Variants in UQCRQ observed in about 807,000 individuals in gnomAD.
UQCRQ encodes the protein ubiquinol-cytochrome c reductase complex III subunit VII.
Under a neutral mutation model 7.9 loss-of-function variants are expected in UQCRQ, and 9 were observed. The ratio of observed to expected loss-of-function variants is 1.13; its 90% CI spans 0.68 to 1.98. The LOEUF (loss-of-function observed/expected upper bound fraction) is 1.98. Ranked by LOEUF, UQCRQ falls within the 30% of genes most tolerant of loss-of-function variation. The pLI is 0.00. For missense variants in UQCRQ, 112 were observed against 109.7 expected, an observed-to-expected ratio of 1.02 and a Z score of -0.10; for synonymous variants, 50 against 41.9, an observed-to-expected ratio of 1.19 and a Z score of -0.75.
At chr5:132,867,152 C>G in intron 2 of UQCRQ, 117 bp downstream of exon 2, 2 of 1,340,650 alleles carry the variant, frequency 1.5e-6, no homozygotes, top group Non-Finnish European at 2.1e-6. Context: ...GCCGTACACA[C>G]CTTTCTCATT....
chr5:132,866,911 G>C lies in UQCRQ; in HGVS notation c.30G>C (p.Arg10=), dbSNP rs1386800269. The change falls in exon 2 of 3, where the codon CGG becomes CGC. Residue 10 remains arginine (R), a synonymous_variant. Coordinates refer to ENST00000378670, the MANE Select transcript of UQCRQ (RefSeq NM_014402.5). ...GCCGCGAGTTTGGGAATCTGACGCGGATGCGGCATGTGATCAGCTACAGCT... is the reference window on the plus strand; with the variant it reads ...GCCGCGAGTTTGGGAATCTGACGCGCATGCGGCATGTGATCAGCTACAGCT... The part of the protein sequence containing the change: MGREFGNLT[R]MRHVISYSLS... 3.1e-6 allele frequency: 5 copies of C among 1,614,038 alleles called. No homozygotes were observed. The highest frequency in any genetic ancestry group is 4.2e-6 in the Non-Finnish European group (5 of 1,179,962).
chr5:132,867,362 A>T, intron 2 of UQCRQ, 126 bp from the exon 3 acceptor site: 2 of 792,926 alleles, frequency 2.5e-6, no homozygotes, highest in Non-Finnish European at 2.1e-6. Flanking sequence ...TGATAGTTGC[A>T]TGGCCTTGGA....
chr5:132,866,866 C>G lies in UQCRQ; in HGVS notation c.-13-3C>G. 2 of 1,612,768 alleles carry G rather than the reference C, an allele frequency of 1.2e-6. No individual in the cohort carries two copies. Among genetic ancestry groups the G allele is most frequent in the Non-Finnish European group, 1.7e-6 (2 of 1,179,942 alleles). On this transcript the variant is annotated splice_polypyrimidine_tract_variant and splice_region_variant and intron_variant, in intron 1 of 2. Coordinates refer to ENST00000378670, the MANE Select transcript of UQCRQ (RefSeq NM_014402.5). Reference sequence around the variant, plus strand: ...AAGCGCCTGTCCACCCTCGGTCCTGCAGGGCCGCCGCCACAATGGGCCGCG... The same window carrying G: ...AAGCGCCTGTCCACCCTCGGTCCTGGAGGGCCGCCGCCACAATGGGCCGCG...
rs1581256772 is a variant in UQCRQ, at chr5:132,868,285, A to G, written c.*703A>G. ...GTAAGCCATGGTGCTCTGGGCCTCAAATACTCTTCTTAGCTACACAAATGA... is the reference window on the plus strand; with the variant it reads ...GTAAGCCATGGTGCTCTGGGCCTCAGATACTCTTCTTAGCTACACAAATGA... On this transcript the variant is annotated 3_prime_UTR_variant, in exon 3 of 3. Transcript: ENST00000378670. Among the ~76,000 whole-genome samples, 1 of 152,190 alleles carries G rather than the reference A, an allele frequency of 6.6e-6. No homozygotes were observed. Among genetic ancestry groups the G allele is most frequent in the African/African-American group, 2.4e-5 (1 of 41,450 alleles).
In UQCRQ at chr5:132,868,061, A is replaced by G. The variant is rs563502848; in HGVS notation, c.*479A>G. ...AGTGGTGTGATCTCGGCTCACTGCC[A>G]TCTGTGCCTCCTGGGTTCAAACGAT... On this transcript the variant is annotated 3_prime_UTR_variant, in exon 3 of 3. Coordinates refer to ENST00000378670, the MANE Select transcript of UQCRQ (RefSeq NM_014402.5). The G allele has an allele frequency of 2.6e-4, 45 of 174,936 alleles. No individual in the cohort carries two copies. The highest frequency in any genetic ancestry group is 5.2e-4 in the Non-Finnish European group (42 of 80,724). The allele number at this position is 174,936 out of a possible 1,614,324, so 10.8% of individuals were successfully genotyped here.
intron 1 of UQCRQ, 84 bp downstream of exon 1, chr5:132,866,771 G>T: frequency 1.4e-6 from 2 of 1,475,888 alleles, no homozygotes; most frequent in South Asian, 1.2e-5. Flanking sequence ...AGGATAAGGA[G>T]TGCAGGGGCA....
rs1359979526 is a variant in UQCRQ, at chr5:132,867,626, C to T, written c.*44C>T. 8 of 1,521,010 alleles carry T rather than the reference C, an allele frequency of 5.3e-6. No homozygotes were observed. The Admixed American group carries it at 1.0e-4, about 19-fold the overall frequency. 94.2% of individuals were successfully genotyped at this position (1,521,010 alleles called of 1,614,324 possible). On this transcript the variant is annotated 3_prime_UTR_variant, in exon 3 of 3. Transcript: ENST00000378670. ...GGTTCCCTGTCTCTGAAAGACCTTT[C>T]TCTGGAAGAGGAGTCTGCATTGTAG...
rs1431557384 is a variant in UQCRQ at position 132,867,674 on chromosome 5, TC to T, written c.*94del. 17 of 998,766 alleles carry T rather than the reference TC, an allele frequency of 1.7e-5. No individual in the cohort carries two copies. The highest frequency in any genetic ancestry group is 2.7e-5 in the Non-Finnish European group (17 of 640,058). 61.9% of individuals were successfully genotyped at this position (998,766 alleles called of 1,614,324 possible). A position where few individuals can be genotyped will look rare whatever the true frequency, so the allele number is the denominator to read the frequency against. ...TAGTGTCTCAAAGACACAATAAACT[TC>T]CTATGGTCTGCACTGTTGTGATATT... On this transcript the variant is annotated 3_prime_UTR_variant, in exon 3 of 3. Coordinates refer to ENST00000378670, the MANE Select transcript of UQCRQ (RefSeq NM_014402.5).
At chr5:132,867,229 T>G in intron 2 of UQCRQ, 194 bp downstream of exon 2, 1 of 824,602 alleles carries the variant, frequency 1.2e-6, no homozygotes, top group South Asian at 1.8e-5. Context: ...AAAACTGAGC[T>G]ACAGAACTGA....
chr5:132,867,252 A>G (rs1418326151), intron 2 of UQCRQ: 4 of 743,754 alleles, frequency 5.4e-6, no homozygotes, highest in Non-Finnish European at 8.7e-6. Context: ...TGACTGGCCC[A>G]AGGTCACTCG....
Position 132,867,499 on chromosome 5 carries a change from T to G in UQCRQ, c.166T>G (p.Phe56Val). 1 of 1,613,590 alleles carries G rather than the reference T, an allele frequency of 6.2e-7. No individual in the cohort carries two copies. The highest frequency in any genetic ancestry group is 8.5e-7 in the Non-Finnish European group (1 of 1,179,620). Reference sequence around the variant, plus strand: ...CTTAATTTTTAAAGAGTTTGTAGTGTTTTATCTTATCTACACATGGGGGAC... The same window carrying G: ...CTTAATTTTTAAAGAGTTTGTAGTGGTTTATCTTATCTACACATGGGGGAC... ...FFRVVPQFVV[F>V]YLIYTWGTEE... is the part of the protein sequence containing the mutation. The change falls in exon 3 of 3, where the codon TTT (phenylalanine) becomes GTT (valine). Residue 56 changes from phenylalanine to valine, a missense_variant. Coordinates refer to ENST00000378670, the MANE Select transcript of UQCRQ (RefSeq NM_014402.5).
chr5:132,866,964 C>T lies in UQCRQ; in HGVS notation c.83C>T (p.Pro28Leu). The change falls in exon 2 of 3, where the codon CCG (proline) becomes CTG (leucine). Residue 28 changes from proline (P) to leucine (L), a missense_variant. Transcript: ENST00000378670. Reference protein sequence around the residue: ...SLSPFEQRAYPHVFTKGIPNV... With the variant: ...SLSPFEQRAYLHVFTKGIPNV... ...TCACCGTTCGAGCAGCGCGCCTATC[C>T]GCACGTCTTCACTAAAGGAATCCCC... 6.2e-7 allele frequency: 1 copy of T among 1,614,122 alleles called. No individual in the cohort carries two copies. The highest frequency in any genetic ancestry group is 1.3e-5 in the African/African-American group (1 of 75,072).
rs777265346 is a variant in UQCRQ, at chr5:132,866,840, C to T, written c.-13-29C>T. The T allele has an allele frequency of 1.8e-5, 29 of 1,609,246 alleles. No homozygotes were observed. In the Middle Eastern group the frequency reaches 2.2e-3, roughly 120 times the overall value. Reference sequence around the variant, plus strand: ...ACTGCGGCGCTTCGCGAAAGCGAGCCAAGCGCCTGTCCACCCTCGGTCCTG... The same window carrying T: ...ACTGCGGCGCTTCGCGAAAGCGAGCTAAGCGCCTGTCCACCCTCGGTCCTG... On this transcript the variant is annotated intron_variant, in intron 1 of 2. Transcript: ENST00000378670.
chr5:132,866,727 C>A lies in UQCRQ; in HGVS notation c.-14+40C>A. On this transcript the variant is annotated intron_variant, in intron 1 of 2. Transcript: ENST00000378670. ...TCTGGTTGTGCAGTGTTCGTGGACCCTGGGAGGCTAGGGGCGCCCCGCTGG... is the reference window on the plus strand; with the variant it reads ...TCTGGTTGTGCAGTGTTCGTGGACCATGGGAGGCTAGGGGCGCCCCGCTGG... 6.9e-6 allele frequency: 7 copies of A among 1,020,288 alleles called. No individual in the cohort carries two copies. The South Asian group carries it at 1.1e-4, about 15-fold the overall frequency. The allele number at this position is 1,020,288 out of a possible 1,614,324, so 63.2% of individuals were successfully genotyped here. A position where few individuals can be genotyped will look rare whatever the true frequency, so the allele number is the denominator to read the frequency against.
In UQCRQ at chr5:132,868,701, T is replaced by C. The variant is rs1171331490; in HGVS notation, c.*1119T>C. On this transcript the variant is annotated 3_prime_UTR_variant, in exon 3 of 3. Transcript: ENST00000378670. ...CCTTAGCCTGAGGGGATATCAGCTA[T>C]AAAACGGATGAGGTGATCTCTTAGC... Among the ~76,000 whole-genome samples the C allele has an allele frequency of 6.6e-6, 1 of 152,180 alleles. No individual in the cohort carries two copies. The highest frequency in any genetic ancestry group is 1.9e-4 in the East Asian group (1 of 5,184).
chr5:132,868,388 T>A lies in UQCRQ; in HGVS notation c.*806T>A, dbSNP rs1287965543. Among the ~76,000 whole-genome samples, 1 of 152,198 alleles carries A rather than the reference T, an allele frequency of 6.6e-6. No homozygotes were observed. The highest frequency in any genetic ancestry group is 1.9e-4 in the East Asian group (1 of 5,190). ...AATGGGCACAGAGAGATTAAGTAAT[T>A]TGCCAGAAATTATACAGCAGTGAAT... On this transcript the variant is annotated 3_prime_UTR_variant, in exon 3 of 3. Coordinates refer to ENST00000378670, the MANE Select transcript of UQCRQ (RefSeq NM_014402.5).
In UQCRQ at chr5:132,868,786, G is replaced by A. The variant is rs116236652; in HGVS notation, c.*1204G>A. Among the ~76,000 whole-genome samples the A allele has an allele frequency of 2.1e-3, 316 of 152,224 alleles. 1 individual carries two copies. Among genetic ancestry groups the A allele is most frequent in the Non-Finnish European group, 3.6e-3 (246 of 68,002 alleles). ...CCAACAATGTTTTCAACCATATGTG[G>A]TTCATAAAGCCTCAAAGATTTACTC... On this transcript the variant is annotated 3_prime_UTR_variant, in exon 3 of 3. Transcript: ENST00000378670.
rs1479635935 is a variant in UQCRQ, at chr5:132,868,758, A to C, written c.*1176A>C. 6.6e-6 allele frequency among the ~76,000 whole-genome samples: 1 copy of C among 151,304 alleles called. No homozygotes were observed. Among genetic ancestry groups the C allele is most frequent in the African/African-American group, 2.4e-5 (1 of 41,220 alleles). ...AGCAGTTTTCTGTTTCTGTGCCAGG[A>C]GGCCAACAATGTTTTCAACCATATG... On this transcript the variant is annotated 3_prime_UTR_variant, in exon 3 of 3. Transcript: ENST00000378670.
rs1581256190 is a variant in UQCRQ, at chr5:132,867,570, A to G, written c.237A>G (p.Glu79=). 6.2e-7 allele frequency: 1 copy of G among 1,614,172 alleles called. No homozygotes were observed. The change falls in exon 3 of 3, where the codon GAA becomes GAG. Residue 79 remains glutamate (E), a synonymous_variant. Transcript: ENST00000378670. ...RSKRKNPAAY[E]NDK is the part of the protein sequence containing the mutation. ...AGAGGAAGAATCCAGCTGCCTATGA[A>G]AATGACAAATGAGCAACGCATCCGG... is the stretch of plus-strand genomic sequence containing the variant.
Sources: allele counts gnomAD v4.1 joint callset (sites outside exome capture counted in the v4.1 genomes callset), GRCh38; gene constraint gnomAD v4.1.1; transcripts MANE v1.5; gene names NCBI Gene and HGNC (gene_info 2026-07-23, HGNC 2026-07-21).